Variants in ZBTB48 observed in about 807,000 individuals in gnomAD.
The protein encoded by ZBTB48 is zinc finger and BTB domain-containing protein 48.
ZBTB48 carries 35 observed loss-of-function variants against 64.5 expected under a neutral mutation model. That is an observed-to-expected ratio of 0.54 (90% confidence interval 0.41 to 0.72). The LOEUF (loss-of-function observed/expected upper bound fraction) is 0.72, where lower values mean the gene tolerates loss of function less well. Among genes scored for constraint, ZBTB48 ranks in the 30% least tolerant of loss-of-function variants. ZBTB48 has a pLI of 0.00. For synonymous variants in ZBTB48, 442 were observed against 356.7 expected, an observed-to-expected ratio of 1.24 and a Z score of -2.70; for missense variants, 828 against 895.3, an observed-to-expected ratio of 0.92 and a Z score of 0.96.
rs1046468874 is a variant in ZBTB48, at chr1:6,584,125, A to G, written c.933-1794A>G. Among the ~76,000 whole-genome samples the G allele has an allele frequency of 6.6e-6, 1 of 151,962 alleles. No homozygotes were observed. The highest frequency in any genetic ancestry group is 2.4e-5 in the African/African-American group (1 of 41,360). The stretch of plus-strand genomic sequence containing the variant: ...AGTGATGGGTTTCACCATATTGGCC[A>G]GGCTGATCTCAAACTCCTGACCTTG... On this transcript the variant is annotated intron_variant, in intron 3 of 10. Transcript: ENST00000377674. The surrounding 1 kb of genome is among the most constrained non-coding windows in gnomAD (Gnocchi z 4.5).
chr1:6,587,436 C>T (rs1640712411), intron 6 of ZBTB48, 42 bp from the exon 7 acceptor site: 2 of 1,612,442 alleles, frequency 1.2e-6, no homozygotes, highest in Admixed American at 1.7e-5. Flanking sequence ...TGCTCTCACC[C>T]TGGCCCTGGT....
rs1468312682 is a variant in ZBTB48 at position 6,589,264 on chromosome 1, G to C, written c.*52G>C. On this transcript the variant is annotated 3_prime_UTR_variant, in exon 11 of 11. Coordinates refer to ENST00000377674, the MANE Select transcript of ZBTB48 (RefSeq NM_005341.4). ...GGCCCCACCCCTCAATAAACCGTGTGGCTTTGGACTCTCGTATTTCAGCCT... is the reference window on the plus strand; with the variant it reads ...GGCCCCACCCCTCAATAAACCGTGTCGCTTTGGACTCTCGTATTTCAGCCT... 1 of 1,469,752 alleles carries C rather than the reference G, an allele frequency of 6.8e-7. No homozygotes were observed. The highest frequency in any genetic ancestry group is 8.9e-7 in the Non-Finnish European group (1 of 1,117,394). The allele number at this position is 1,469,752 out of a possible 1,614,324, so 91.0% of individuals were successfully genotyped here. A position where few individuals can be genotyped will look rare whatever the true frequency, so the allele number is the denominator to read the frequency against.
chr1:6,587,088 C>T (rs1277429399), intron 5 of ZBTB48, 117 bp from the exon 6 acceptor site: 1 of 1,149,150 alleles, frequency 8.7e-7, no homozygotes, highest in South Asian at 1.3e-5. Flanking sequence ...ATCAGGGGTC[C>T]TCCCAGAATC....
At chr1:6,586,081 T>G in intron 4 of ZBTB48, 51 bp downstream of exon 4, 11 of 1,578,130 alleles carry the variant, frequency 7.0e-6, no homozygotes, top group Non-Finnish European at 8.7e-6. Flanking sequence ...CTGGCCTCTC[T>G]GTCTTCGTGC....
chr1:6,582,129 C>T lies in ZBTB48; in HGVS notation c.762C>T (p.Thr254=), dbSNP rs368562385. 9.3e-6 allele frequency: 15 copies of T among 1,614,030 alleles called. No individual in the cohort carries two copies. Among genetic ancestry groups the T allele is most frequent in the African/African-American group, 1.3e-5 (1 of 74,920 alleles). The change falls in exon 3 of 11, where the codon ACC becomes ACT. Residue 254 remains threonine, a synonymous_variant. Transcript: ENST00000377674. ...DYMSEPEAVL[T]RRKSNVIRKP... ...TGTCTGAGCCTGAGGCTGTGCTGAC[C>T]AGGAGGAAGTCAAATGTAATCCGAA...
intron 6 of ZBTB48, 26 bp from the exon 7 acceptor site, chr1:6,587,452 C>T (rs1383585863): frequency 6.2e-7 from 1 of 1,613,328 alleles, no homozygotes; most frequent in Admixed American, 1.7e-5. Flanking sequence ...CTGGTCCCTC[C>T]CTCTGCCTGC....
chr1:6,583,975 G>A (rs1488308953), intron 3 of ZBTB48, among the ~76,000 whole-genome samples: 1 of 151,828 alleles, frequency 6.6e-6, no homozygotes, highest in Non-Finnish European at 1.5e-5. Context: ...GTAGAGACAG[G>A]GTTTCAGCAT....
intron 4 of ZBTB48, 26 bp downstream of exon 4, chr1:6,586,056 T>C (rs776741953): frequency 1.9e-6 from 3 of 1,610,368 alleles, no homozygotes; most frequent in South Asian, 2.2e-5. Context: ...CCCAGGTACT[T>C]GTGGGCAGGG....
Position 6,585,938 on chromosome 1 carries a change from C to T in ZBTB48, c.952C>T (p.Pro318Ser). The T allele has an allele frequency of 6.2e-7, 1 of 1,614,030 alleles. No homozygotes were observed. The highest frequency in any genetic ancestry group is 8.5e-7 in the Non-Finnish European group (1 of 1,179,964). The change falls in exon 4 of 11, where the codon CCC becomes TCC. Residue 318 changes from proline (P) to serine (S), a missense_variant. Coordinates refer to ENST00000377674, the MANE Select transcript of ZBTB48 (RefSeq NM_005341.4). ...TGGCAGGAAACATACTGGGGAGAAA[C>T]CCTTTGAGTGTCCCAAATGTGGGAA... ...VHNRKHTGEK[P>S]FECPKCGKCY... is the part of the protein sequence containing the mutation.
rs904214346 is a variant in ZBTB48, at chr1:6,584,825, C to T, written c.933-1094C>T. Among the ~76,000 whole-genome samples, 10 of 152,182 alleles carry T rather than the reference C, an allele frequency of 6.6e-5. No homozygotes were observed. Among genetic ancestry groups the T allele is most frequent in the Non-Finnish European group, 1.2e-4 (8 of 68,020 alleles). On this transcript the variant is annotated intron_variant, in intron 3 of 10. Transcript: ENST00000377674. The surrounding 1 kb of genome is among the most constrained non-coding windows in gnomAD (Gnocchi z 4.5). Reference sequence around the variant, plus strand: ...GAAGAGGATGAGAGAGCTGCTTGGCCTCTGGAAGGTGGGAGGAGCTGTCGC... The same window carrying T: ...GAAGAGGATGAGAGAGCTGCTTGGCTTCTGGAAGGTGGGAGGAGCTGTCGC...
intron 4 of ZBTB48, 142 bp from the exon 5 acceptor site, chr1:6,586,553 A>G: frequency 1.4e-6 from 2 of 1,414,912 alleles, no homozygotes; most frequent in Non-Finnish European, 1.8e-6. Context: ...CAGGCAGGTT[A>G]TGTGTTGCCC....
At position 6,580,802 on chromosome 1, in the gene ZBTB48, C is replaced by G; in HGVS notation, c.193C>G (p.Leu65Val). 1 of 1,614,224 alleles carries G rather than the reference C, an allele frequency of 6.2e-7. No homozygotes were observed. The highest frequency in any genetic ancestry group is 8.5e-7 in the Non-Finnish European group (1 of 1,180,042). Residue 65 changes from leucine to valine, a missense_variant, in exon 2 of 11, where the codon CTC becomes GTC. Coordinates refer to ENST00000377674, the MANE Select transcript of ZBTB48 (RefSeq NM_005341.4). This position sits in a 1 kb window ranked among gnomAD's most constrained non-coding sequence, Gnocchi z 5.2. ...GGATGGCTCAGGGGGCAGTGTCGTC[C>G]TCCCTGCTGGCTTCGCTGAGATCTT... ...YGDGSGGSVV[L>V]PAGFAEIFGL...
chr1:6,581,579 A>C (rs1484719251), intron 2 of ZBTB48, among the ~76,000 whole-genome samples: 1 of 151,754 alleles, frequency 6.6e-6, no homozygotes, highest in Non-Finnish European at 1.5e-5. Flanking sequence ...TGGGAGGATC[A>C]CTTGAGCCCA....
Position 6,586,487 on chromosome 1 carries a change from G to C in ZBTB48, c.1045-208G>C, listed in dbSNP as rs535581827. On this transcript the variant is annotated intron_variant, in intron 4 of 10. Transcript: ENST00000377674. ...CTCGGACCCTGCCCCCAGTCTGTCT[G>C]GGCCTGAGAAGGGCCTGGTGTGCGG... The C allele has an allele frequency of 3.1e-3, 3,370 of 1,088,462 alleles. 4 individuals are homozygous for C. The highest frequency in any genetic ancestry group is 3.8e-3 in the Non-Finnish European group (3,048 of 800,888). The allele number at this position is 1,088,462 out of a possible 1,614,324, so 67.4% of individuals were successfully genotyped here.
At chr1:6,583,089 C>G (rs1056570726) in intron 3 of ZBTB48, among the ~76,000 whole-genome samples, 1 of 152,236 alleles carries the variant, frequency 6.6e-6, no homozygotes, top group African/African-American at 2.4e-5. Context: ...CTCCTGGGTT[C>G]AAGTGATTCC....
chr1:6,582,253 T>G lies in ZBTB48; in HGVS notation c.886T>G (p.Cys296Gly). ...GTAVPVECPTCHKKFLSKYYL... is the reference protein window; with the variant it reads ...GTAVPVECPTGHKKFLSKYYL... Reference sequence around the variant, plus strand: ...AGCGGTGCCGGTCGAATGCCCCACATGTCATAAAAAGTTCCTCAGCAAATA... The same window carrying G: ...AGCGGTGCCGGTCGAATGCCCCACAGGTCATAAAAAGTTCCTCAGCAAATA... The change falls in exon 3 of 11, where the codon TGT becomes GGT. Residue 296 changes from cysteine to glycine, a missense_variant. Physicochemically the swap from Cys to Gly is radical, Grantham distance 159. Coordinates refer to ENST00000377674, the MANE Select transcript of ZBTB48 (RefSeq NM_005341.4). 1 of 1,613,446 alleles carries G rather than the reference T, an allele frequency of 6.2e-7. No individual in the cohort carries two copies. Among genetic ancestry groups the G allele is most frequent in the Non-Finnish European group, 8.5e-7 (1 of 1,179,440 alleles).
At position 6,585,911 on chromosome 1, in the gene ZBTB48, C is replaced by T; in HGVS notation, c.933-8C>T. The T allele has an allele frequency of 6.2e-7, 1 of 1,613,884 alleles. No individual in the cohort carries two copies. Among genetic ancestry groups the T allele is most frequent in the Admixed American group, 1.7e-5 (1 of 60,018 alleles). On this transcript the variant is annotated splice_region_variant and splice_polypyrimidine_tract_variant and intron_variant, in intron 3 of 10. Transcript: ENST00000377674. ...CAGCCCCCCCACCCCTGTGGCTTCT[C>T]CTGGCAGGAAACATACTGGGGAGAA...
chr1:6,580,314 G>T lies in ZBTB48; in HGVS notation c.-70+178G>T, dbSNP rs1008226817. Among the ~76,000 whole-genome samples, 1 of 152,200 alleles carries T rather than the reference G, an allele frequency of 6.6e-6. No individual in the cohort carries two copies. The highest frequency in any genetic ancestry group is 1.5e-5 in the Non-Finnish European group (1 of 68,034). ...GCCAGTCCGTTCGCTCTCATCCCATGTCTCCTTTCCCCAAACTTGGATTTT... is the reference window on the plus strand; with the variant it reads ...GCCAGTCCGTTCGCTCTCATCCCATTTCTCCTTTCCCCAAACTTGGATTTT... On this transcript the variant is annotated intron_variant, in intron 1 of 10. Coordinates refer to ENST00000377674, the MANE Select transcript of ZBTB48 (RefSeq NM_005341.4). The surrounding 1 kb of genome is among the most constrained non-coding windows in gnomAD (Gnocchi z 5.2).
rs1640682108 is a variant in ZBTB48 at position 6,586,723 on chromosome 1, C to A, written c.1073C>A (p.Thr358Lys). ...QVFTCSVCQE[T>K]FRRRMELRVH... is the part of the protein sequence containing the mutation. ...TTCACGTGCTCTGTGTGCCAGGAGA[C>A]ATTCCGCCGAAGGATGGAGCTGCGG... The change falls in exon 5 of 11, where the codon ACA becomes AAA. Residue 358 changes from threonine to lysine, a missense_variant. Transcript: ENST00000377674. The A allele has an allele frequency of 1.3e-6, 2 of 1,575,326 alleles. No homozygotes were observed. The highest frequency in any genetic ancestry group is 2.2e-5 in the East Asian group (1 of 44,482).
Sources: allele counts gnomAD v4.1 joint callset (sites outside exome capture counted in the v4.1 genomes callset), GRCh38; gene constraint gnomAD v4.1.1; non-coding constraint Gnocchi (gnomAD v3.1); transcripts MANE v1.5; gene names NCBI Gene and HGNC (gene_info 2026-07-23, HGNC 2026-07-21).